IL31RA: variants seen among roughly 807,000 people sequenced by gnomAD.
IL31RA encodes interleukin-31 receptor subunit alpha.
In IL31RA, 66 loss-of-function variants were observed where a neutral mutation model predicts 83.7. The ratio of observed to expected loss-of-function variants is 0.79; its 90% confidence interval spans 0.65 to 0.97. IL31RA has a LOEUF of 0.97. Among genes scored for constraint, IL31RA ranks in the 50% least tolerant of loss-of-function variants. IL31RA has a pLI of 0.00. For synonymous variants in IL31RA, 325 were observed against 329.0 expected (o/e 0.99, Z 0.13); for missense variants, 798 against 919.4 (o/e 0.87, Z 1.71).
At chr5:55,870,948 A>T (rs1363928888) in intron 3 of IL31RA, among the ~76,000 whole-genome samples, 1 of 152,250 alleles carries the variant, frequency 6.6e-6, no homozygotes, top group Non-Finnish European at 1.5e-5. Flanking sequence ...TATTTCTCAA[A>T]GGTCACAGCA....
chr5:55,892,021 C>T (rs1271879378), intron 6 of IL31RA, among the ~76,000 whole-genome samples: 4 of 151,848 alleles, frequency 2.6e-5, no homozygotes, highest in Admixed American at 1.3e-4. Context: ...ATGATCTGCC[C>T]GCCTCAGCCT....
At chr5:55,909,009 C>G in intron 11 of IL31RA, 3 of 543,272 alleles carry the variant, frequency 5.5e-6, no homozygotes, top group Non-Finnish European at 7.4e-6. Context: ...TATTTCTGCC[C>G]AAATAGAAGC....
At position 55,900,061 on chromosome 5, in the gene IL31RA, C is replaced by G; in HGVS notation, c.998C>G (p.Ser333Cys). The G allele has an allele frequency of 6.2e-7, 1 of 1,614,128 alleles. No individual in the cohort carries two copies. Among genetic ancestry groups the G allele is most frequent in the East Asian group, 2.2e-5 (1 of 44,886 alleles). ...LHLGGESFWV[S>C]MISYNSLGKS... ...CTGGGAGGCGAGAGCTTTTGGGTGT[C>G]TATGATTTCTTATAATTCTCTTGGG... Residue 333 changes from serine (S) to cysteine (C), a missense_variant, in exon 8 of 15, where the codon TCT (serine) becomes TGT (cysteine). Coordinates refer to ENST00000652347, the MANE Select transcript of IL31RA (RefSeq NM_139017.7).
rs1210999183 is a variant in IL31RA at position 55,922,436 on chromosome 5, T to C, written c.*5316T>C. 41 of 1,550,258 alleles carry C rather than the reference T, an allele frequency of 2.6e-5. No individual in the cohort carries two copies. The highest frequency in any genetic ancestry group is 3.6e-5 in the Non-Finnish European group (41 of 1,146,282). The stretch of plus-strand genomic sequence containing the variant: ...TTCCTGCCCAACTTCAATATAAGTG[T>C]GGACTAAAATGCGAGAAAGGTGTCC... On this transcript the variant is annotated 3_prime_UTR_variant, in exon 15 of 15. Coordinates refer to ENST00000652347, the MANE Select transcript of IL31RA (RefSeq NM_139017.7).
chr5:55,900,074 T>C lies in IL31RA; in HGVS notation c.1011T>C (p.Tyr337=), dbSNP rs767804814. 12 of 1,614,072 alleles carry C rather than the reference T, an allele frequency of 7.4e-6. No individual in the cohort carries two copies. In the South Asian group the frequency reaches 8.8e-5, roughly 12 times the overall value. ...GCTTTTGGGTGTCTATGATTTCTTA[T>C]AATTCTCTTGGGAAGTCTCCAGTGG... ...GESFWVSMIS[Y]NSLGKSPVAT... The change falls in exon 8 of 15, where the codon TAT becomes TAC. Residue 337 remains tyrosine (Y), a synonymous_variant. Transcript: ENST00000652347.
rs1404978938 is a variant in IL31RA at position 55,908,309 on chromosome 5, A to C, written c.1399A>C (p.Lys467Gln). Residue 467 changes from lysine (K) to glutamine (Q), a missense_variant, in exon 11 of 15, where the codon AAG becomes CAG. By Grantham distance (53) the Lys-to-Gln change is moderately conservative. Transcript: ENST00000652347. Reference protein sequence around the residue: ...PETKVENIGVKTVTITWKEIP... With the variant: ...PETKVENIGVQTVTITWKEIP... ...GACCAAGGTGGAGAACATTGGCGTGAAGACGGTCACGATCACATGGAAAGA... is the reference window on the plus strand; with the variant it reads ...GACCAAGGTGGAGAACATTGGCGTGCAGACGGTCACGATCACATGGAAAGA... The C allele has an allele frequency of 1.2e-6, 2 of 1,614,208 alleles. No homozygotes were observed. Among genetic ancestry groups the C allele is most frequent in the East Asian group, 2.2e-5 (1 of 44,880 alleles).
chr5:55,890,030 C>G lies in IL31RA; in HGVS notation c.667C>G (p.Leu223Val). Reference sequence around the variant, plus strand: ...AAACCAAACGTACAACCTCACGGGGCTGCAGCCTTTTACAGAATATGTCAT... The same window carrying G: ...AAACCAAACGTACAACCTCACGGGGGTGCAGCCTTTTACAGAATATGTCAT... ...DKNQTYNLTGLQPFTEYVIAL... is the reference protein window; with the variant it reads ...DKNQTYNLTGVQPFTEYVIAL... The change falls in exon 6 of 15, where the codon CTG becomes GTG. Residue 223 changes from leucine to valine, a missense_variant. Transcript: ENST00000652347. 1 of 1,614,058 alleles carries G rather than the reference C, an allele frequency of 6.2e-7. No homozygotes were observed. Among genetic ancestry groups the G allele is most frequent in the African/African-American group, 1.3e-5 (1 of 75,042 alleles).
At chr5:55,839,980 G>T in the IL31RA span, 1 of 603,728 alleles carries the variant, frequency 1.7e-6, no homozygotes, top group East Asian at 3.0e-5. Context: ...GGCAAGCCGT[G>T]GACCTTCAAC....
chr5:55,909,506 A>G (rs143614058), intron 11 of IL31RA, among the ~76,000 whole-genome samples: 1,598 of 152,130 alleles, frequency 0.011, 25 homozygotes, highest in African/African-American at 0.036. Context: ...CACAGTGACT[A>G]CTCCACACTA....
At chr5:55,844,794 T>C in the IL31RA span, among the ~76,000 whole-genome samples, 1 of 152,194 alleles carries the variant, frequency 6.6e-6, no homozygotes, top group Non-Finnish European at 1.5e-5. Context: ...TACTATTGTT[T>C]ATTTATTTTT....
At chr5:55,868,633 C>A (rs1313609515) in intron 2 of IL31RA, among the ~76,000 whole-genome samples, 158 bp from the exon 3 acceptor site, 1 of 152,188 alleles carries the variant, frequency 6.6e-6, no homozygotes, top group Non-Finnish European at 1.5e-5. Flanking sequence ...AAGTTAGATT[C>A]TTTCCATTGA....
intron 4 of IL31RA, among the ~76,000 whole-genome samples, chr5:55,876,795 A>G (rs1157452495): frequency 6.6e-6 from 1 of 151,842 alleles, no homozygotes; most frequent in Non-Finnish European, 1.5e-5. Flanking sequence ...GAGACTTGCT[A>G]TGTTACTCAG....
chr5:55,853,710 G>C, intron 1 of IL31RA: 2 of 777,906 alleles, frequency 2.6e-6, no homozygotes, highest in Non-Finnish European at 2.0e-6. Context: ...ATAGTTAAGG[G>C]AATCTAATCT....
rs1749845540 is a variant in IL31RA at position 55,917,251 on chromosome 5, T to A, written c.*131T>A. 2 of 1,579,860 alleles carry A rather than the reference T, an allele frequency of 1.3e-6. No homozygotes were observed. Among genetic ancestry groups the A allele is most frequent in the Non-Finnish European group, 1.7e-6 (2 of 1,169,790 alleles). ...CCTAGGTTAAAGTTTCCCCTGCCCC[T>A]TGAGCTGCCAGTTGAACTTGGTCGG... is the stretch of plus-strand genomic sequence containing the variant. On this transcript the variant is annotated 3_prime_UTR_variant, in exon 15 of 15. Coordinates refer to ENST00000652347, the MANE Select transcript of IL31RA (RefSeq NM_139017.7).
intron 5 of IL31RA, among the ~76,000 whole-genome samples, chr5:55,885,593 G>A (rs764956721): frequency 1.3e-5 from 2 of 151,056 alleles, no homozygotes; most frequent in African/African-American, 2.4e-5. Context: ...GACATGCGCG[G>A]ACAAGACCCT....
At chr5:55,894,398 T>C (rs781123192) in intron 6 of IL31RA, among the ~76,000 whole-genome samples, 4 of 152,202 alleles carry the variant, frequency 2.6e-5, no homozygotes, top group Non-Finnish European at 5.9e-5. Context: ...TGTCTTATGA[T>C]TCAATAAAAG....
Position 55,922,303 on chromosome 5 carries a change from A to G in IL31RA, c.*5183A>G. Reference sequence around the variant, plus strand: ...GAGAAGCAAGGGGCAGGGGAGGGGCAGAACTCCACAAGAGGGCAAAACCTG... The same window carrying G: ...GAGAAGCAAGGGGCAGGGGAGGGGCGGAACTCCACAAGAGGGCAAAACCTG... On this transcript the variant is annotated 3_prime_UTR_variant, in exon 15 of 15. Transcript: ENST00000652347. 9.7e-7 allele frequency: 1 copy of G among 1,029,104 alleles called. No homozygotes were observed. The highest frequency in any genetic ancestry group is 1.5e-6 in the Non-Finnish European group (1 of 670,734). 63.7% of individuals were successfully genotyped at this position (1,029,104 alleles called of 1,614,324 possible).
chr5:55,867,414 TAAAA>T (rs1320010963), intron 2 of IL31RA, among the ~76,000 whole-genome samples: 2 of 151,978 alleles, frequency 1.3e-5, no homozygotes, highest in Admixed American at 6.6e-5. Flanking sequence ...AATGCACAAA[TAAAA>T]TAAATAGCAT....
intron 11 of IL31RA, among the ~76,000 whole-genome samples, chr5:55,910,008 C>T (rs1749404491): frequency 6.6e-6 from 1 of 152,066 alleles, no homozygotes; most frequent in African/African-American, 2.4e-5. Flanking sequence ...CCGGCCAGCC[C>T]GTTTGTATAT....
Sources: gnomAD v4.1 joint callset for allele counts (sites outside exome capture counted in the v4.1 genomes callset) on GRCh38, gnomAD v4.1.1 for gene constraint, MANE v1.5 for transcripts, NCBI Gene and HGNC (gene_info 2026-07-23, HGNC 2026-07-21) for gene names.